The following DSCAM variants were observed in gnomAD, a reference collection of about 807,000 sequenced individuals.
The protein encoded by DSCAM is cell adhesion molecule DSCAM.
In DSCAM, 47 loss-of-function variants were observed where a neutral mutation model predicts 217.7. That is an observed-to-expected ratio of 0.22 (90% CI 0.17 to 0.28). The LOEUF is 0.28. DSCAM is among the 10% of genes least tolerant of loss of function. The pLI, the probability that DSCAM is intolerant of heterozygous loss-of-function variation, is 1.00. For synonymous variants in DSCAM, 1,056 were observed against 1,015.3 expected (o/e 1.04, Z -0.76); for missense variants, 2,080 against 2,618.3 (o/e 0.79, Z 4.49).
At position 40,614,112 on chromosome 21, in the gene DSCAM, G is replaced by A. The variant is rs895276417; in HGVS notation, c.508+78698C>T. ...CAGTCCCAATCCTGGCACTGCCCCC[G>A]GGGGCCCAGCCTAAGGTGGCCTGTC... On this transcript the variant is annotated intron_variant, in intron 3 of 32. Transcript: ENST00000400454. Among the ~76,000 whole-genome samples, 19 of 152,272 alleles carry A rather than the reference G, an allele frequency of 1.2e-4. No individual in the cohort carries two copies. The East Asian group carries it at 1.7e-3, about 14-fold the overall frequency.
At chr21:40,526,998 G>A (rs1182377484) in intron 3 of DSCAM, among the ~76,000 whole-genome samples, 1 of 152,104 alleles carries the variant, frequency 6.6e-6, no homozygotes, top group Non-Finnish European at 1.5e-5. Context: ...ACTGCCTGGT[G>A]TGGCTTAAAG....
At chr21:40,706,623 G>C (rs1201906719) in intron 2 of DSCAM, among the ~76,000 whole-genome samples, 2 of 152,162 alleles carry the variant, frequency 1.3e-5, no homozygotes, top group Non-Finnish European at 2.9e-5. Flanking sequence ...CCCCGTGAGT[G>C]AGCAGTCATC....
chr21:40,316,508 G>C (rs1346989250), intron 8 of DSCAM, among the ~76,000 whole-genome samples: 3 of 152,098 alleles, frequency 2.0e-5, no homozygotes, highest in Non-Finnish European at 4.4e-5. Flanking sequence ...TCATGATTTT[G>C]GGAAAGCTGA....
At chr21:40,213,429 A>C (rs1455259529) in intron 11 of DSCAM, among the ~76,000 whole-genome samples, 3 of 152,218 alleles carry the variant, frequency 2.0e-5, no homozygotes, top group Non-Finnish European at 4.4e-5. Context: ...ACAGCTTTAG[A>C]AACAGCTTTC....
chr21:40,723,695 G>T (rs554466876), intron 1 of DSCAM, among the ~76,000 whole-genome samples: 69 of 152,260 alleles, frequency 4.5e-4, no homozygotes, highest in African/African-American at 1.6e-3. Context: ...TTCCTTTTAA[G>T]AAGTAACAAT....
chr21:40,521,884 T>C (rs1340374361), intron 3 of DSCAM, among the ~76,000 whole-genome samples: 1 of 152,198 alleles, frequency 6.6e-6, no homozygotes, highest in Admixed American at 6.5e-5. Flanking sequence ...ATGATAAATG[T>C]CTGAGGTGAT....
intron 11 of DSCAM, among the ~76,000 whole-genome samples, chr21:40,267,122 T>A (rs898407586): frequency 6.6e-6 from 1 of 151,872 alleles, no homozygotes; most frequent in Admixed American, 6.6e-5. Context: ...CTAGACTTTA[T>A]CACTAAACAA....
intron 3 of DSCAM, among the ~76,000 whole-genome samples, chr21:40,439,055 T>A (rs2075608909): frequency 6.6e-6 from 1 of 152,102 alleles, no homozygotes; most frequent in African/African-American, 2.4e-5. Flanking sequence ...GCAAGCAACA[T>A]CCCTGTTTAC....
chr21:40,109,231 T>G (rs535259321), intron 20 of DSCAM, among the ~76,000 whole-genome samples: 1 of 152,076 alleles, frequency 6.6e-6, no homozygotes, highest in Admixed American at 6.5e-5. Context: ...TGGGAGAAAA[T>G]TTTTGCAAAC....
intron 11 of DSCAM, among the ~76,000 whole-genome samples, chr21:40,201,959 C>G (rs2091074660): frequency 6.6e-6 from 1 of 152,142 alleles, no homozygotes. Context: ...ATCTCATCTC[C>G]TGGAATTCAA....
At chr21:40,667,017 C>G (rs35939072) in intron 3 of DSCAM, among the ~76,000 whole-genome samples, 1 of 152,056 alleles carries the variant, frequency 6.6e-6, no homozygotes, top group Non-Finnish European at 1.5e-5. Context: ...TTCATGTATC[C>G]CCACAAAGCA....
At chr21:40,610,517 G>A (rs1208607254) in intron 3 of DSCAM, among the ~76,000 whole-genome samples, 2 of 152,148 alleles carry the variant, frequency 1.3e-5, no homozygotes, top group Non-Finnish European at 2.9e-5. Context: ...GTGCTTATAC[G>A]ACTTTATGTG....
intron 4 of DSCAM, among the ~76,000 whole-genome samples, chr21:40,367,205 T>G (rs2074842659): frequency 6.6e-6 from 1 of 152,182 alleles, no homozygotes; most frequent in Admixed American, 6.5e-5. Flanking sequence ...ACACAAAGAA[T>G]TCTCCTCTGC....
At chr21:40,570,097 A>G (rs938463792) in intron 3 of DSCAM, among the ~76,000 whole-genome samples, 4 of 152,202 alleles carry the variant, frequency 2.6e-5, no homozygotes, top group Non-Finnish European at 5.9e-5. Flanking sequence ...CAGGTACAGA[A>G]AGTCAAGAAC....
intron 3 of DSCAM, among the ~76,000 whole-genome samples, chr21:40,464,557 T>C (rs1010063304): frequency 6.6e-6 from 1 of 152,170 alleles, no homozygotes; most frequent in Non-Finnish European, 1.5e-5. Flanking sequence ...ACAGGAGTCA[T>C]TGCGACTCTT....
chr21:40,136,897 C>T (rs904875236), intron 18 of DSCAM, among the ~76,000 whole-genome samples: 10 of 151,944 alleles, frequency 6.6e-5, no homozygotes, highest in Non-Finnish European at 1.2e-4. Context: ...ACACTTGGCC[C>T]GGTGCAGTGG....
At chr21:40,351,489 C>G (rs9975866) in intron 5 of DSCAM, among the ~76,000 whole-genome samples, 1 of 151,962 alleles carries the variant, frequency 6.6e-6, no homozygotes, top group Non-Finnish European at 1.5e-5. Context: ...AGTACAGATT[C>G]AGAGCTTATT....
intron 11 of DSCAM, among the ~76,000 whole-genome samples, chr21:40,256,925 C>G (rs1228185945): frequency 6.6e-6 from 1 of 151,142 alleles, no homozygotes; most frequent in African/African-American, 2.5e-5. Context: ...CACATAATAT[C>G]ACTACCCTGA....
intron 3 of DSCAM, among the ~76,000 whole-genome samples, chr21:40,527,774 C>A (rs1472364345): frequency 6.6e-6 from 1 of 152,232 alleles, no homozygotes; most frequent in African/African-American, 2.4e-5. Context: ...TTTCTGCTGT[C>A]ATTGCTACTG....
Sources: allele counts gnomAD v4.1 joint callset (sites outside exome capture counted in the v4.1 genomes callset), GRCh38; gene constraint gnomAD v4.1.1; transcripts MANE v1.5; gene names NCBI Gene and HGNC (gene_info 2026-07-23, HGNC 2026-07-21).